Variants in ZNF248 observed in about 807,000 individuals in gnomAD.
ZNF248 encodes the protein KRAB protein domain.
In ZNF248, 20 loss-of-function variants were observed where a neutral mutation model predicts 44.3. The ratio of observed to expected loss-of-function variants is 0.45; its 90% CI spans 0.32 to 0.66. The LOEUF (loss-of-function observed/expected upper bound fraction) is 0.66. ZNF248 is among the 30% of genes least tolerant of loss of function. The probability of loss-of-function intolerance (pLI) is 0.04; values close to 1 mark genes in which losing one functional copy is unlikely to be tolerated. For synonymous variants in ZNF248, 224 were observed against 229.0 expected, an observed-to-expected ratio of 0.98 and a Z score of 0.20; for missense variants, 654 against 677.0, an observed-to-expected ratio of 0.97 and a Z score of 0.38.
chr10:37,838,610 A>G (rs1430876737), intron 3 of ZNF248, among the ~76,000 whole-genome samples: 1 of 152,170 alleles, frequency 6.6e-6, no homozygotes, highest in Non-Finnish European at 1.5e-5. Flanking sequence ...CCATCAGAGA[A>G]AAGGATGAAT....
chr10:37,761,064 GC>G, the ZNF248 span, among the ~76,000 whole-genome samples: 1 of 152,176 alleles, frequency 6.6e-6, no homozygotes, highest in Non-Finnish European at 1.5e-5. Context: ...AACTCCATCT[GC>G]CTTTCAAATG....
chr10:37,789,700 T>C (rs2048282869), intron 6 of ZNF248, among the ~76,000 whole-genome samples: 1 of 152,248 alleles, frequency 6.6e-6, no homozygotes, highest in African/African-American at 2.4e-5. Context: ...TCAGAAAATA[T>C]GAACTCTATA....
intron 6 of ZNF248, among the ~76,000 whole-genome samples, chr10:37,812,383 G>A (rs2051656132): frequency 6.6e-6 from 1 of 152,028 alleles, no homozygotes; most frequent in Non-Finnish European, 1.5e-5. Context: ...AAGATTAAAG[G>A]CAGGAAGGGA....
intron 6 of ZNF248, chr10:37,819,380 T>A (rs1431515527): frequency 2.2e-6 from 3 of 1,348,854 alleles, no homozygotes; most frequent in Non-Finnish European, 2.1e-6. Context: ...AATCCAGTAT[T>A]CCCTACATGC....
chr10:37,847,461 T>C (rs974653577), intron 3 of ZNF248, among the ~76,000 whole-genome samples: 1 of 152,176 alleles, frequency 6.6e-6, no homozygotes, highest in African/African-American at 2.4e-5. Context: ...AGCATGATAA[T>C]TGTATTGTGG....
chr10:37,798,779 A>G (rs557535662), intron 6 of ZNF248, among the ~76,000 whole-genome samples: 2 of 152,312 alleles, frequency 1.3e-5, no homozygotes, highest in African/African-American at 4.8e-5. Context: ...TTTGTTCCCT[A>G]TAATTCCCTA....
At chr10:37,770,313 C>T in the ZNF248 span, among the ~76,000 whole-genome samples, 88 of 152,296 alleles carry the variant, frequency 5.8e-4, 4 homozygotes, top group South Asian at 0.017. Context: ...CCCGCATCGC[C>T]AAGTCAATCC....
At chr10:37,810,850 A>G (rs2051374742) in intron 6 of ZNF248, among the ~76,000 whole-genome samples, 1 of 152,206 alleles carries the variant, frequency 6.6e-6, no homozygotes, top group African/African-American at 2.4e-5. Flanking sequence ...TACCTGTAGT[A>G]TATACTATAC....
chr10:37,776,703 C>G (rs2046611405), intron 6 of ZNF248: 3 of 376,962 alleles, frequency 8.0e-6, no homozygotes, highest in Non-Finnish European at 1.4e-5. Flanking sequence ...CCAAGCAACA[C>G]AGTCATGCAG....
intron 6 of ZNF248, among the ~76,000 whole-genome samples, chr10:37,799,004 G>C (rs1203744269): frequency 6.6e-6 from 1 of 152,036 alleles, no homozygotes; most frequent in Non-Finnish European, 1.5e-5. Context: ...TCTCCTTGCA[G>C]AGTATTTAAA....
chr10:37,822,471 G>C, intron 6 of ZNF248, among the ~76,000 whole-genome samples: 1 of 152,092 alleles, frequency 6.6e-6, no homozygotes, highest in Non-Finnish European at 1.5e-5. Flanking sequence ...CAGTTCATTT[G>C]AAGTGCAAAG....
Position 37,829,808 on chromosome 10 carries a change from A to G in ZNF248, c.*1807T>C, listed in dbSNP as rs946944252. On this transcript the variant is annotated 3_prime_UTR_variant, in exon 6 of 6. Transcript: ENST00000395867. ...AGATCTTTCCCAGAAGTACTACACA[A>G]TACTTCCCAAACATCTCATTGCTCC... 137 of 985,320 alleles carry G rather than the reference A, an allele frequency of 1.4e-4. No individual in the cohort carries two copies. Among genetic ancestry groups the G allele is most frequent in the Non-Finnish European group, 1.6e-4 (135 of 829,936 alleles). The allele number at this position is 985,320 out of a possible 1,614,324, so 61.0% of individuals were successfully genotyped here. A position where few individuals can be genotyped will look rare whatever the true frequency, so the allele number is the denominator to read the frequency against.
At chr10:37,770,375 A>G in the ZNF248 span, among the ~76,000 whole-genome samples, 1 of 152,220 alleles carries the variant, frequency 6.6e-6, no homozygotes, top group Non-Finnish European at 1.5e-5. Flanking sequence ...TTCAAACTAT[A>G]CTACAAGGCT....
At chr10:37,793,489 AG>A (rs2048798634) in intron 6 of ZNF248, among the ~76,000 whole-genome samples, 1 of 152,232 alleles carries the variant, frequency 6.6e-6, no homozygotes, top group Non-Finnish European at 1.5e-5. Context: ...TGTTGAAGAA[AG>A]GGTATCAAAT....
chr10:37,772,374 T>G (rs770885367), downstream of ZNF248, among the ~76,000 whole-genome samples: 4 of 152,178 alleles, frequency 2.6e-5, no homozygotes, highest in African/African-American at 4.8e-5. Flanking sequence ...TGTGTGTCTG[T>G]GTGTGTTACA....
chr10:37,777,876 T>C (rs1347703721), intron 6 of ZNF248, among the ~76,000 whole-genome samples: 1 of 152,170 alleles, frequency 6.6e-6, no homozygotes. Flanking sequence ...CATCCTTTTT[T>C]ATGGCTGCAT....
At chr10:37,812,033 C>T (rs769871320) in intron 6 of ZNF248, among the ~76,000 whole-genome samples, 3 of 151,794 alleles carry the variant, frequency 2.0e-5, no homozygotes, top group Admixed American at 1.3e-4. Context: ...CCCAGGAGTT[C>T]GAGACCAGCC....
At chr10:37,777,804 C>A (rs1178898475) in intron 6 of ZNF248, among the ~76,000 whole-genome samples, 2 of 151,026 alleles carry the variant, frequency 1.3e-5, no homozygotes, top group African/African-American at 4.9e-5. Context: ...TTTGTTCTTG[C>A]GATAATTTAC....
At chr10:37,826,854 A>C (rs1222653104), downstream of ZNF248, among the ~76,000 whole-genome samples, 1 of 152,216 alleles carries the variant, frequency 6.6e-6, no homozygotes, top group Non-Finnish European at 1.5e-5. Context: ...CTTGATTTGT[A>C]ATACTCAAAT....
Sources: gnomAD v4.1 joint callset for allele counts (sites outside exome capture counted in the v4.1 genomes callset) on GRCh38, gnomAD v4.1.1 for gene constraint, MANE v1.5 for transcripts, NCBI Gene and HGNC (gene_info 2026-07-23, HGNC 2026-07-21) for gene names.